The following INTU variants were observed in gnomAD, a reference collection of about 807,000 sequenced individuals.
The protein encoded by INTU is inturned planar cell polarity protein.
A neutral mutation model predicts 100.5 loss-of-function variants in INTU; 68 were observed. That is an observed-to-expected ratio of 0.68 (90% CI 0.56 to 0.83). The LOEUF is 0.83. Ranked by LOEUF, INTU falls within the 40% of genes least tolerant of loss-of-function variation. The pLI is 0.00. For synonymous variants in INTU, 357 were observed against 395.7 expected (o/e 0.90, Z 1.16); for missense variants, 1,071 against 1,114.7 (o/e 0.96, Z 0.56).
chr4:127,675,919 G>C (rs916103319), intron 6 of INTU: 11 of 324,710 alleles, frequency 3.4e-5, no homozygotes, highest in Non-Finnish European at 6.5e-5. Flanking sequence ...GAGTTACCAA[G>C]CTCAGCCCAC....
intron 1 of INTU, among the ~76,000 whole-genome samples, chr4:127,634,622 T>G (rs1027485086): frequency 1.3e-5 from 2 of 151,996 alleles, no homozygotes; most frequent in Admixed American, 1.3e-4. Flanking sequence ...ATATTTTAGC[T>G]TTTAAAAAAT....
intron 2 of INTU, among the ~76,000 whole-genome samples, chr4:127,654,256 C>T (rs1728063704): frequency 1.3e-5 from 2 of 151,968 alleles, no homozygotes; most frequent in Admixed American, 6.5e-5. Context: ...TGAATTTGAT[C>T]CTGTCATTAT....
chr4:127,685,214 CA>C (rs1729761359), intron 7 of INTU, among the ~76,000 whole-genome samples: 1 of 151,832 alleles, frequency 6.6e-6, no homozygotes, highest in Non-Finnish European at 1.5e-5. Context: ...GATTGGAAGG[CA>C]GAAATTTGAG....
At chr4:127,666,465 G>A (rs750446755) in intron 4 of INTU, among the ~76,000 whole-genome samples, 15 of 152,130 alleles carry the variant, frequency 9.9e-5, no homozygotes, top group Non-Finnish European at 2.1e-4. Flanking sequence ...GGATATTTCA[G>A]CCTTACTTGA....
intron 1 of INTU, among the ~76,000 whole-genome samples, chr4:127,637,669 A>C (rs562722436): frequency 1.3e-5 from 2 of 152,284 alleles, no homozygotes; most frequent in East Asian, 3.9e-4. Flanking sequence ...CATTTCAGCC[A>C]TTTGATTCTC....
In INTU at chr4:127,699,593, A is replaced by G. The variant is rs554393218; in HGVS notation, c.1450-417A>G. On this transcript the variant is annotated intron_variant, in intron 8 of 15. Coordinates refer to ENST00000335251, the MANE Select transcript of INTU (RefSeq NM_015693.4). ...AATGGAGAATCGAGAACAACTCAAA[A>G]TAAGTTGGCTACTTTAAGACTGATT... is the stretch of plus-strand genomic sequence containing the variant. 3.3e-5 allele frequency among the ~76,000 whole-genome samples: 5 copies of G among 152,342 alleles called. No homozygotes were observed. The East Asian group carries it at 5.8e-4, about 18-fold the overall frequency.
intron 5 of INTU, among the ~76,000 whole-genome samples, chr4:127,669,408 T>G (rs1488636063): frequency 6.6e-6 from 1 of 150,728 alleles, no homozygotes; most frequent in Non-Finnish European, 1.5e-5. Context: ...AAGTGTAGAT[T>G]CTCAACACAG....
intron 5 of INTU, among the ~76,000 whole-genome samples, chr4:127,670,550 C>A (rs1381512129): frequency 6.6e-6 from 1 of 151,724 alleles, no homozygotes; most frequent in Non-Finnish European, 1.5e-5. Context: ...TTTTAAAAAT[C>A]TTTATTGAGA....
rs138957205 is a variant in INTU, at chr4:127,702,817, G to T, written c.1504-1411G>T. On this transcript the variant is annotated intron_variant, in intron 9 of 15. Transcript: ENST00000335251. ...CCCCTCTCCATACCCCCAACCTCTG[G>T]CAATCACTGATCTGTGTTCTGTCCC... 9.9e-5 allele frequency among the ~76,000 whole-genome samples: 15 copies of T among 151,934 alleles called. No individual in the cohort carries two copies. In the East Asian group the frequency reaches 2.9e-3, roughly 29 times the overall value.
At chr4:127,664,763 A>G (rs1728620674) in intron 4 of INTU, among the ~76,000 whole-genome samples, 2 of 151,384 alleles carry the variant, frequency 1.3e-5, no homozygotes, top group South Asian at 4.2e-4. Context: ...TGTATTTGAC[A>G]TATCTTTTAC....
At chr4:127,648,845 T>C (rs1164242495) in intron 2 of INTU, among the ~76,000 whole-genome samples, 1 of 152,046 alleles carries the variant, frequency 6.6e-6, no homozygotes, top group East Asian at 1.9e-4. Context: ...CCAAGTGGAC[T>C]TCAAGTTGAA....
chr4:127,675,827 A>T lies in INTU; in HGVS notation c.1181+1614A>T, dbSNP rs1466901596. The T allele has an allele frequency of 1.5e-5, 3 of 205,172 alleles. No individual in the cohort carries two copies. In the East Asian group the frequency reaches 3.9e-4, roughly 26 times the overall value. 12.7% of individuals were successfully genotyped at this position (205,172 alleles called of 1,614,324 possible). A position where few individuals can be genotyped will look rare whatever the true frequency, so the allele number is the denominator to read the frequency against. On this transcript the variant is annotated intron_variant, in intron 6 of 15. Coordinates refer to ENST00000335251, the MANE Select transcript of INTU (RefSeq NM_015693.4). ...GACAGAAAGAGGGGGATGCTACAAG[A>T]CCTTTTATGGCTTAGTCTTAAAAGT...
intron 1 of INTU, 39 bp from the exon 2 acceptor site, chr4:127,643,482 T>C (rs765433036): frequency 5.3e-6 from 8 of 1,512,296 alleles, no homozygotes; most frequent in Non-Finnish European, 7.1e-6. Context: ...CTTTTATATA[T>C]TGGGCTGCTA....
intron 6 of INTU, among the ~76,000 whole-genome samples, chr4:127,677,017 C>G (rs1373569977): frequency 6.6e-6 from 1 of 151,792 alleles, no homozygotes; most frequent in African/African-American, 2.4e-5. Context: ...AGTCTGAGAT[C>G]AAACTGCAAG....
At chr4:127,660,138 A>G (rs528744106) in intron 3 of INTU, among the ~76,000 whole-genome samples, 3 of 152,286 alleles carry the variant, frequency 2.0e-5, no homozygotes, top group African/African-American at 7.2e-5. Flanking sequence ...GCAGTAGTCC[A>G]GAAGAGAGAT....
Position 127,724,222 on chromosome 4 carries a change from C to A in INTU, c.*7786C>A, listed in dbSNP as rs1481449428. 1 of 152,038 alleles carries A rather than the reference C, an allele frequency of 6.6e-6. No homozygotes were observed. Among genetic ancestry groups the A allele is most frequent in the Non-Finnish European group, 1.5e-5 (1 of 68,056 alleles). The allele number at this position is 152,038 out of a possible 1,614,324, so 9.4% of individuals were successfully genotyped here. On this transcript the variant is annotated 3_prime_UTR_variant, in exon 16 of 16. Transcript: ENST00000335251. The stretch of plus-strand genomic sequence containing the variant: ...GGATCATGAGGTCAGGAATTCGAGA[C>A]CAGCCTGACCAACATGGTGAAACCC...
intron 3 of INTU, among the ~76,000 whole-genome samples, chr4:127,659,676 G>C (rs1177429068): frequency 6.6e-6 from 1 of 152,102 alleles, no homozygotes; most frequent in African/African-American, 2.4e-5. Flanking sequence ...CCGGGAGCTT[G>C]GGTCCAAATT....
At chr4:127,705,160 C>T (rs1730825277) in intron 10 of INTU, among the ~76,000 whole-genome samples, 1 of 151,712 alleles carries the variant, frequency 6.6e-6, no homozygotes, top group South Asian at 2.1e-4. Flanking sequence ...CCATGTAAAG[C>T]AAAGCATCAA....
chr4:127,656,804 C>A, intron 3 of INTU, 83 bp downstream of exon 3: 1 of 830,666 alleles, frequency 1.2e-6, no homozygotes. Context: ...CCTTTTTAAG[C>A]GTCTGAAAAG....
Sources: gnomAD v4.1 joint callset for allele counts (sites outside exome capture counted in the v4.1 genomes callset) on GRCh38, gnomAD v4.1.1 for gene constraint, MANE v1.5 for transcripts, NCBI Gene and HGNC (gene_info 2026-07-23, HGNC 2026-07-21) for gene names.